The following JAKMIP1 variants were observed in gnomAD, a reference collection of about 807,000 sequenced individuals.
JAKMIP1 encodes the protein janus kinase and microtubule-interacting protein 1.
In JAKMIP1, 33 loss-of-function variants were observed where a neutral mutation model predicts 113.0. The observed-to-expected ratio is 0.29, with a 90% confidence interval of 0.22 to 0.39. The LOEUF (loss-of-function observed/expected upper bound fraction) is 0.39. Ranked by LOEUF, JAKMIP1 falls within the 10% of genes least tolerant of loss-of-function variation. The probability of loss-of-function intolerance (pLI) is 1.00; values close to 1 mark genes in which losing one functional copy is unlikely to be tolerated. For synonymous variants in JAKMIP1, 480 were observed against 459.9 expected (o/e 1.04, Z -0.56); for missense variants, 813 against 1,080.5 (o/e 0.75, Z 3.47).
chr4:6,105,847 G>T lies in JAKMIP1; in HGVS notation c.250C>A (p.Leu84Met). The change falls in exon 3 of 21, where the codon CTG (leucine) becomes ATG (methionine). Residue 84 changes from leucine (L) to methionine (M), a missense_variant. Transcript: ENST00000409021. ...AKLHEEKTKE[L>M]QALREGLIRQ... The stretch of plus-strand genomic sequence containing the variant: ...ATGAGCCCCTCGCGCAGCGCCTGCA[G>T]CTCCTTGGTCTTCTCCTCATGCAGC... 1 of 1,611,886 alleles carries T rather than the reference G, an allele frequency of 6.2e-7. No individual in the cohort carries two copies. The highest frequency in any genetic ancestry group is 8.5e-7 in the Non-Finnish European group (1 of 1,179,858).
At chr4:6,033,178 A>G (rs1426432669) in intron 19 of JAKMIP1, among the ~76,000 whole-genome samples, 4 of 152,204 alleles carry the variant, frequency 2.6e-5, no homozygotes, top group Non-Finnish European at 5.9e-5. Context: ...GGAAAATGCC[A>G]ATTTCAGCTG....
intron 1 of JAKMIP1, among the ~76,000 whole-genome samples, chr4:6,122,305 G>A (rs1026057349): frequency 3.3e-5 from 5 of 152,158 alleles, no homozygotes; most frequent in African/African-American, 9.7e-5. Context: ...CAGCCTGGGC[G>A]ACAGAGTGAG....
chr4:6,053,882 T>C, intron 13 of JAKMIP1, 168 bp downstream of exon 13: 4 of 1,513,330 alleles, frequency 2.6e-6, no homozygotes, highest in Non-Finnish European at 3.5e-6. Context: ...GTGAAATTAT[T>C]CTGAACATAC....
intron 19 of JAKMIP1, among the ~76,000 whole-genome samples, chr4:6,035,548 C>T (rs1056435773): frequency 5.3e-5 from 8 of 152,138 alleles, no homozygotes; most frequent in Admixed American, 3.9e-4. Flanking sequence ...TCCAATGAGC[C>T]GCCATCACAA....
Position 6,168,170 on chromosome 4 carries a change from C to A in JAKMIP1, c.-148+32083G>T, listed in dbSNP as rs1033914804. On this transcript the variant is annotated intron_variant, in intron 1 of 20. Coordinates refer to ENST00000409021, the MANE Select transcript of JAKMIP1 (RefSeq NM_001099433.2). This position sits in a 1 kb window ranked among gnomAD's most constrained non-coding sequence, Gnocchi z 4.6. ...GTGGGTGAGCATGTGGGGAACTGGA[C>A]CCTTTATGCATTGCTGGTGGGGTCA... is the stretch of plus-strand genomic sequence containing the variant. Among the ~76,000 whole-genome samples the A allele has an allele frequency of 2.6e-5, 4 of 152,316 alleles. No homozygotes were observed. The highest frequency in any genetic ancestry group is 6.8e-3 in the Middle Eastern group (2 of 294).
intron 1 of JAKMIP1, among the ~76,000 whole-genome samples, chr4:6,127,605 C>T (rs761903638): frequency 2.0e-4 from 31 of 152,154 alleles, no homozygotes; most frequent in Non-Finnish European, 2.1e-4. Context: ...GAGGTGGCCC[C>T]GCACCGTGTG....
At position 6,139,087 on chromosome 4, in the gene JAKMIP1, TACACAC is replaced by T. The variant is rs1289607866; in HGVS notation, c.-147-26096_-147-26091del. 9.8e-6 allele frequency among the ~76,000 whole-genome samples: 1 copy of T among 102,236 alleles called. No homozygotes were observed. The highest frequency in any genetic ancestry group is 3.3e-5 in the African/African-American group (1 of 30,590). 67.1% of individuals were successfully genotyped at this position (102,236 alleles called of 152,430 possible). On this transcript the variant is annotated intron_variant, in intron 1 of 20. Transcript: ENST00000409021. The surrounding 1 kb of genome is among the most constrained non-coding windows in gnomAD (Gnocchi z 5.2). The stretch of plus-strand genomic sequence containing the variant: ...ACACACACACACACACACACACATA[TACACAC>T]ACACACACACACCAGCAGGTCAGCC...
chr4:6,054,482 G>C (rs1187429662), intron 12 of JAKMIP1, among the ~76,000 whole-genome samples: 1 of 152,202 alleles, frequency 6.6e-6, no homozygotes, highest in Non-Finnish European at 1.5e-5. Flanking sequence ...CCTTCCTTGA[G>C]GCCAAACACT....
chr4:6,185,259 G>A lies in JAKMIP1; in HGVS notation c.-148+14994C>T, dbSNP rs182660519. On this transcript the variant is annotated intron_variant, in intron 1 of 20. Transcript: ENST00000409021. The surrounding 1 kb of genome is among the most constrained non-coding windows in gnomAD (Gnocchi z 5.3). Reference sequence around the variant, plus strand: ...CTATCCTATCAGTTCTGTCCCTCTCGAGAACCCTGACTAATACAAGTGGGA... The same window carrying A: ...CTATCCTATCAGTTCTGTCCCTCTCAAGAACCCTGACTAATACAAGTGGGA... Among the ~76,000 whole-genome samples the A allele has an allele frequency of 1.6e-4, 25 of 152,192 alleles. No homozygotes were observed. In the East Asian group the frequency reaches 3.7e-3, roughly 22 times the overall value.
At position 6,141,152 on chromosome 4, in the gene JAKMIP1, G is replaced by C. The variant is rs117267152; in HGVS notation, c.-147-28155C>G. On this transcript the variant is annotated intron_variant, in intron 1 of 20. Transcript: ENST00000409021. This position sits in a 1 kb window ranked among gnomAD's most constrained non-coding sequence, Gnocchi z 9.4. ...GCTACCAACATTTAAAGTGGTAGAC[G>C]AGGCCGGGCGCAGTGGCTCATGCCT... Among the ~76,000 whole-genome samples, 74 of 152,308 alleles carry C rather than the reference G, an allele frequency of 4.9e-4. No homozygotes were observed. The highest frequency in any genetic ancestry group is 2.6e-4 in the Admixed American group (4 of 15,308).
At chr4:6,026,776 C>A (rs924514442) in intron 20 of JAKMIP1, among the ~76,000 whole-genome samples, 1 of 152,278 alleles carries the variant, frequency 6.6e-6, no homozygotes, top group African/African-American at 2.4e-5. Flanking sequence ...GCCCAACCCT[C>A]TACCCACAGG....
chr4:6,125,657 AAC>A lies in JAKMIP1; in HGVS notation c.-147-12662_-147-12661del, dbSNP rs200899567. On this transcript the variant is annotated intron_variant, in intron 1 of 20. Coordinates refer to ENST00000409021, the MANE Select transcript of JAKMIP1 (RefSeq NM_001099433.2). ...ACACACACCATACACACCATGCAGA[AAC>A]ACACACACACCATACACACCATGCA... is the stretch of plus-strand genomic sequence containing the variant. 2.5e-4 allele frequency among the ~76,000 whole-genome samples: 15 copies of A among 59,956 alleles called. No individual in the cohort carries two copies. The East Asian group carries it at 7.4e-3, about 30-fold the overall frequency. 39.3% of individuals were successfully genotyped at this position (59,956 alleles called of 152,430 possible).
chr4:6,075,390 G>A (rs1719563087), intron 8 of JAKMIP1, among the ~76,000 whole-genome samples: 1 of 152,204 alleles, frequency 6.6e-6, no homozygotes, highest in Non-Finnish European at 1.5e-5. Flanking sequence ...AAACCTGCTT[G>A]GGCCCCGATG....
intron 8 of JAKMIP1, among the ~76,000 whole-genome samples, chr4:6,070,857 A>G (rs910397845): frequency 6.6e-6 from 1 of 152,240 alleles, no homozygotes; most frequent in African/African-American, 2.4e-5. Flanking sequence ...TTTTAACTAG[A>G]TCAAAGTCTT....
intron 8 of JAKMIP1, among the ~76,000 whole-genome samples, chr4:6,073,643 G>A (rs572355534): frequency 3.9e-5 from 6 of 152,214 alleles, no homozygotes; most frequent in Non-Finnish European, 7.3e-5. Flanking sequence ...CTGATAACCT[G>A]CTATGCACCA....
At chr4:6,112,173 C>A (rs760354440) in intron 2 of JAKMIP1, among the ~76,000 whole-genome samples, 6 of 152,248 alleles carry the variant, frequency 3.9e-5, no homozygotes, top group Non-Finnish European at 8.8e-5. Context: ...AGCAGGCAAA[C>A]TAACCAAAAG....
At chr4:6,126,463 CACAT>C (rs1409171317) in intron 1 of JAKMIP1, among the ~76,000 whole-genome samples, 1 of 149,120 alleles carries the variant, frequency 6.7e-6, no homozygotes, top group Non-Finnish European at 1.5e-5. Flanking sequence ...AACACACATG[CACAT>C]ACACACACCA....
chr4:6,098,568 A>AAG (rs145698902), intron 3 of JAKMIP1, among the ~76,000 whole-genome samples: 6,378 of 35,372 alleles, frequency 0.18, 239 homozygotes, highest in East Asian at 0.29. Context: ...GAAAGAAAGA[A>AAG]AGAAAGAAAG....
At chr4:6,190,589 G>C (rs542311101) in intron 1 of JAKMIP1, among the ~76,000 whole-genome samples, 30 of 152,346 alleles carry the variant, frequency 2.0e-4, no homozygotes, top group Admixed American at 4.6e-4. Context: ...AGGAAGGTCT[G>C]CTGAGCACAC....
Sources: allele counts gnomAD v4.1 joint callset (sites outside exome capture counted in the v4.1 genomes callset), GRCh38; gene constraint gnomAD v4.1.1; non-coding constraint Gnocchi (gnomAD v3.1); transcripts MANE v1.5; gene names NCBI Gene and HGNC (gene_info 2026-07-23, HGNC 2026-07-21).